The following TSC22D1 variants were observed in gnomAD, a reference collection of about 807,000 sequenced individuals.
TSC22D1 encodes TSC22 domain family member 1, also known as TSC22 domain family protein 1.
In TSC22D1, 9 loss-of-function variants were observed where a neutral mutation model predicts 74.2. That is an observed-to-expected ratio of 0.12 (90% CI 0.07 to 0.21). The LOEUF is 0.21. TSC22D1 is among the 10% of genes least tolerant of loss of function. The probability of loss-of-function intolerance (pLI) is 1.00; values close to 1 mark genes in which losing one functional copy is unlikely to be tolerated. For synonymous variants in TSC22D1, 586 were observed against 492.5 expected (o/e 1.19, Z -2.51); for missense variants, 1,427 against 1,304.7 (o/e 1.09, Z -1.44).
At chr13:44,522,231 A>G (rs1315411560) in intron 1 of TSC22D1, among the ~76,000 whole-genome samples, 1 of 152,180 alleles carries the variant, frequency 6.6e-6, no homozygotes, top group African/African-American at 2.4e-5. Flanking sequence ...AGACTAAATG[A>G]GCCAAAGGTG....
chr13:44,568,415 G>A (rs891885120), intron 1 of TSC22D1, among the ~76,000 whole-genome samples: 20 of 151,566 alleles, frequency 1.3e-4, no homozygotes, highest in African/African-American at 2.4e-5. Context: ...TAGGCAAAGA[G>A]GTAAAAAAAG....
intron 1 of TSC22D1, chr13:44,436,657 A>G (rs377733958): frequency 4.0e-5 from 64 of 1,597,352 alleles, no homozygotes; most frequent in Non-Finnish European, 4.8e-5. Flanking sequence ...ACCCTCGTGG[A>G]AAAAAAGAGG....
intron 1 of TSC22D1, among the ~76,000 whole-genome samples, chr13:44,481,101 G>GA (rs1360813340): frequency 3.9e-5 from 6 of 152,242 alleles, no homozygotes; most frequent in African/African-American, 7.2e-5. Flanking sequence ...CCAAGAGACA[G>GA]AAGGAGAACC....
chr13:44,558,003 AAAT>A (rs978097739), intron 1 of TSC22D1, among the ~76,000 whole-genome samples: 5 of 152,244 alleles, frequency 3.3e-5, no homozygotes, highest in Admixed American at 1.3e-4. Flanking sequence ...TACTAAGAGA[AAAT>A]AATAATAAAG....
chr13:44,550,016 C>A (rs1189723374), intron 1 of TSC22D1, among the ~76,000 whole-genome samples: 1 of 152,088 alleles, frequency 6.6e-6, no homozygotes, highest in Admixed American at 6.5e-5. Flanking sequence ...ACTTTCCAAA[C>A]ATTTTAGGAA....
At chr13:44,516,363 T>C (rs750090857) in intron 1 of TSC22D1, 2 of 466,046 alleles carry the variant, frequency 4.3e-6, no homozygotes, top group South Asian at 1.7e-5. Context: ...AAAAACAAAT[T>C]CTCTTAATAG....
intron 1 of TSC22D1, among the ~76,000 whole-genome samples, chr13:44,564,993 C>A (rs948443038): frequency 2.0e-5 from 3 of 152,112 alleles, no homozygotes; most frequent in African/African-American, 7.2e-5. Context: ...AAAATAAAGA[C>A]AACTAAAGAA....
At chr13:44,474,657 A>G (rs1427720500) in intron 1 of TSC22D1, among the ~76,000 whole-genome samples, 7 of 151,948 alleles carry the variant, frequency 4.6e-5, no homozygotes, top group Admixed American at 1.3e-4. Flanking sequence ...AATGGAAGGA[A>G]GGAGAAGAGG....
chr13:44,569,000 A>G (rs1426950449), intron 1 of TSC22D1, among the ~76,000 whole-genome samples: 1 of 152,238 alleles, frequency 6.6e-6, no homozygotes, highest in Non-Finnish European at 1.5e-5. Context: ...AGGTAGGTAT[A>G]TGGTAACAAC....
chr13:44,541,260 G>C (rs1480538478), intron 1 of TSC22D1, among the ~76,000 whole-genome samples: 1 of 152,108 alleles, frequency 6.6e-6, no homozygotes, highest in African/African-American at 2.4e-5. Flanking sequence ...AAGCTGAAAA[G>C]GAATGGTTAT....
Position 44,434,761 on chromosome 13 carries a change from T to C in TSC22D1, c.3087A>G (p.Thr1029=). 2 of 1,614,024 alleles carry C rather than the reference T, an allele frequency of 1.2e-6. No homozygotes were observed. The highest frequency in any genetic ancestry group is 2.2e-5 in the South Asian group (2 of 91,074). ...QLEQENNLLK[T]LASPEQLAQF... ...GGGCAAGCTGCTCAGGACTGGCCAGTGTCTTCAGCAGATTGTTCTCCTGCT... is the reference window on the plus strand; with the variant it reads ...GGGCAAGCTGCTCAGGACTGGCCAGCGTCTTCAGCAGATTGTTCTCCTGCT... The change falls in exon 3 of 3, where the codon ACA becomes ACG. Residue 1029 remains threonine, a synonymous_variant. Coordinates refer to ENST00000458659, the MANE Select transcript of TSC22D1 (RefSeq NM_183422.4).
Position 44,575,821 on chromosome 13 carries a change from A to AC in TSC22D1, c.253_254insG (p.Leu85ArgfsTer31). On this transcript the variant is annotated frameshift_variant, in exon 1 of 3. Coordinates refer to ENST00000458659, the MANE Select transcript of TSC22D1 (RefSeq NM_183422.4). LOFTEE classifies it high-confidence loss of function. The stretch of plus-strand genomic sequence containing the variant: ...CAGCTGAGCCTGCGAAAGGAGGTTC[A>AC]GGCTTTGTGGAGGCGGAGGCTGTGG... 2 of 1,613,710 alleles carry AC rather than the reference A, an allele frequency of 1.2e-6. No homozygotes were observed. The highest frequency in any genetic ancestry group is 3.3e-4 in the Middle Eastern group (2 of 6,062).
At chr13:44,534,045 A>G (rs1881000511) in intron 1 of TSC22D1, among the ~76,000 whole-genome samples, 3 of 152,148 alleles carry the variant, frequency 2.0e-5, no homozygotes, top group Non-Finnish European at 4.4e-5. Flanking sequence ...AGCCTGGGCG[A>G]CATAAACTCC....
At chr13:44,504,537 G>C (rs528868361) in intron 1 of TSC22D1, among the ~76,000 whole-genome samples, 2 of 150,974 alleles carry the variant, frequency 1.3e-5, no homozygotes, top group East Asian at 3.9e-4. Context: ...CTGGGAGGTG[G>C]AGGTTGCAGT....
At position 44,566,056 on chromosome 13, in the gene TSC22D1, T is replaced by C. The variant is rs368120707; in HGVS notation, c.2912+7107A>G. Among the ~76,000 whole-genome samples, 10 of 152,316 alleles carry C rather than the reference T, an allele frequency of 6.6e-5. No homozygotes were observed. In the East Asian group the frequency reaches 1.2e-3, roughly 18 times the overall value. ...TCCAGGCACACCACTGTGATGACTTTACCCACTTTTTTCTCACCAAGGACT... is the reference window on the plus strand; with the variant it reads ...TCCAGGCACACCACTGTGATGACTTCACCCACTTTTTTCTCACCAAGGACT... On this transcript the variant is annotated intron_variant, in intron 1 of 2. Coordinates refer to ENST00000458659, the MANE Select transcript of TSC22D1 (RefSeq NM_183422.4).
At chr13:44,516,262 A>G in intron 1 of TSC22D1, 1 of 398,158 alleles carries the variant, frequency 2.5e-6, no homozygotes, top group African/African-American at 2.2e-5. Flanking sequence ...GGGCACTAGA[A>G]ATTGACGCTG....
chr13:44,509,949 G>GCAAAAAAAAAAAAAAAAAAAA (rs1879613850), intron 1 of TSC22D1, among the ~76,000 whole-genome samples: 1 of 6,180 alleles, frequency 1.6e-4, no homozygotes, highest in Non-Finnish European at 3.2e-4. Flanking sequence ...TAGAAAATAA[G>GCAAAAAAAAAAAAAAAAAAAA]CAAAAAAAAA....
chr13:44,464,133 T>C (rs1003877598), intron 1 of TSC22D1, among the ~76,000 whole-genome samples: 2 of 152,206 alleles, frequency 1.3e-5, no homozygotes, highest in African/African-American at 4.8e-5. Context: ...ATGATCCTCA[T>C]TGTTTTAAGC....
At chr13:44,482,104 A>G (rs1396638983) in intron 1 of TSC22D1, among the ~76,000 whole-genome samples, 1 of 152,246 alleles carries the variant, frequency 6.6e-6, no homozygotes, top group Non-Finnish European at 1.5e-5. Context: ...AAACACGTGC[A>G]TGTTAGTAAA....
Sources: allele counts gnomAD v4.1 joint callset (sites outside exome capture counted in the v4.1 genomes callset), GRCh38; gene constraint gnomAD v4.1.1; transcripts MANE v1.5; gene names NCBI Gene and HGNC (gene_info 2026-07-23, HGNC 2026-07-21).